LRP1B: variants seen among roughly 807,000 people sequenced by gnomAD.
The protein encoded by LRP1B is low-density lipoprotein receptor-related protein 1B.
In LRP1B, 217 loss-of-function variants were observed where a neutral mutation model predicts 556.6. The observed-to-expected ratio is 0.39, with a 90% confidence interval of 0.35 to 0.44. LRP1B has a LOEUF of 0.44. Among genes scored for constraint, LRP1B ranks in the 20% least tolerant of loss-of-function variants. LRP1B has a pLI of 1.00. For missense variants in LRP1B, 5,053 were observed against 5,620.8 expected (o/e 0.90, Z 3.23); for synonymous variants, 2,047 against 1,865.8 (o/e 1.10, Z -2.50).
chr2:141,013,555 C>A lies in LRP1B; in HGVS notation c.2380+1G>T. The A allele has an allele frequency of 6.2e-7, 1 of 1,603,226 alleles. No homozygotes were observed. The highest frequency in any genetic ancestry group is 8.5e-7 in the Non-Finnish European group (1 of 1,175,554). On this transcript the variant is annotated splice_donor_variant, in intron 14 of 90. Transcript: ENST00000389484. LOFTEE classifies it high-confidence loss of function. ...AAGCATTTTAATTTGTTTTTTAATA[C>A]CTTGTTGCTTTCGTGGATCATAAAT... is the stretch of plus-strand genomic sequence containing the variant.
chr2:140,379,159 T>C (rs1168188379), intron 67 of LRP1B, among the ~76,000 whole-genome samples: 1 of 152,198 alleles, frequency 6.6e-6, no homozygotes, highest in African/African-American at 2.4e-5. Context: ...GACCTCTTCG[T>C]GTTTTCTCTG....
intron 32 of LRP1B, among the ~76,000 whole-genome samples, chr2:140,791,536 A>T (rs1690120252): frequency 6.6e-6 from 1 of 152,184 alleles, no homozygotes; most frequent in Non-Finnish European, 1.5e-5. Context: ...ATATTAATGA[A>T]TATGATGTTA....
intron 6 of LRP1B, among the ~76,000 whole-genome samples, chr2:141,227,236 G>A (rs1204733861): frequency 6.6e-6 from 1 of 152,180 alleles, no homozygotes; most frequent in Non-Finnish European, 1.5e-5. Flanking sequence ...CATATTAAGT[G>A]TAGATAAAAA....
At chr2:141,758,430 C>G (rs1011737207) in intron 2 of LRP1B, among the ~76,000 whole-genome samples, 1 of 151,984 alleles carries the variant, frequency 6.6e-6, no homozygotes, top group Non-Finnish European at 1.5e-5. Context: ...TGAGTCCATT[C>G]TAAACGTCAT....
At chr2:140,489,905 T>G (rs1182255977) in intron 57 of LRP1B, among the ~76,000 whole-genome samples, 1 of 152,088 alleles carries the variant, frequency 6.6e-6, no homozygotes, top group South Asian at 2.1e-4. Flanking sequence ...TATAATAAAT[T>G]AAAGCTGCAA....
chr2:141,716,764 G>T (rs941421454), intron 2 of LRP1B, among the ~76,000 whole-genome samples: 1 of 152,160 alleles, frequency 6.6e-6, no homozygotes, highest in Non-Finnish European at 1.5e-5. Context: ...AAGCAATAAC[G>T]TGTTGATTCT....
At chr2:140,291,539 C>A (rs906161364) in intron 84 of LRP1B, among the ~76,000 whole-genome samples, 1 of 151,478 alleles carries the variant, frequency 6.6e-6, no homozygotes, top group African/African-American at 2.4e-5. Context: ...CAGTTCCCAC[C>A]CATGACTGAG....
At chr2:140,567,143 G>C (rs903282875) in intron 43 of LRP1B, among the ~76,000 whole-genome samples, 1 of 152,054 alleles carries the variant, frequency 6.6e-6, no homozygotes, top group Admixed American at 6.5e-5. Context: ...TTTCCCTAAA[G>C]CTCGACTAGA....
intron 2 of LRP1B, among the ~76,000 whole-genome samples, chr2:141,794,343 G>C (rs1293209825): frequency 6.6e-6 from 1 of 151,842 alleles, no homozygotes; most frequent in African/African-American, 2.4e-5. Context: ...CTCACATTTT[G>C]TAAAACCTAA....
chr2:142,062,266 G>A (rs558735451), intron 1 of LRP1B, among the ~76,000 whole-genome samples: 3 of 151,858 alleles, frequency 2.0e-5, no homozygotes, highest in South Asian at 4.1e-4. Flanking sequence ...AATCAGCCTA[G>A]CTGCTACTCA....
At chr2:141,073,421 C>T (rs564135359) in intron 7 of LRP1B, among the ~76,000 whole-genome samples, 1 of 152,098 alleles carries the variant, frequency 6.6e-6, no homozygotes, top group East Asian at 1.9e-4. Context: ...CAGTTACTTT[C>T]TCCACCTCTT....
chr2:140,862,795 G>T (rs1436723931), intron 27 of LRP1B, among the ~76,000 whole-genome samples: 1 of 152,168 alleles, frequency 6.6e-6, no homozygotes, highest in Admixed American at 6.5e-5. Context: ...AGTATACTGG[G>T]TTAGAAGTTT....
At chr2:142,058,170 C>G (rs892417768) in intron 1 of LRP1B, among the ~76,000 whole-genome samples, 17 of 152,258 alleles carry the variant, frequency 1.1e-4, no homozygotes, top group African/African-American at 3.8e-4. Flanking sequence ...ATATTTGGAA[C>G]TACCTTCTCC....
chr2:141,905,745 A>T (rs1431396736), intron 1 of LRP1B, among the ~76,000 whole-genome samples: 2 of 131,414 alleles, frequency 1.5e-5, no homozygotes, highest in South Asian at 5.4e-4. Context: ...ACAGGGAGAA[A>T]ATGGATCTGG....
At chr2:140,610,411 G>C (rs532753454) in intron 41 of LRP1B, among the ~76,000 whole-genome samples, 7 of 151,898 alleles carry the variant, frequency 4.6e-5, no homozygotes, top group South Asian at 2.1e-4. Context: ...CTGAATGCAG[G>C]GTCTGCATAT....
intron 25 of LRP1B, among the ~76,000 whole-genome samples, chr2:140,877,135 G>A (rs182086746): frequency 6.6e-6 from 1 of 151,894 alleles, no homozygotes; most frequent in African/African-American, 2.4e-5. Context: ...AAAGCCCTCT[G>A]AACTGAAGAT....
At chr2:140,539,532 C>G (rs1680055261) in intron 45 of LRP1B, among the ~76,000 whole-genome samples, 1 of 152,042 alleles carries the variant, frequency 6.6e-6, no homozygotes, top group Admixed American at 6.6e-5. Context: ...CAGAGAGAAG[C>G]TTAGTAGGGA....
chr2:140,977,394 G>A (rs1027166785), intron 18 of LRP1B, among the ~76,000 whole-genome samples: 4 of 152,012 alleles, frequency 2.6e-5, no homozygotes, highest in Admixed American at 6.6e-5. Context: ...TCCAGTCTAC[G>A]GTATGTCTTC....
intron 32 of LRP1B, among the ~76,000 whole-genome samples, chr2:140,782,405 T>C (rs1573711496): frequency 6.6e-6 from 1 of 152,214 alleles, no homozygotes; most frequent in Middle Eastern, 3.4e-3. Flanking sequence ...AAGAGGACAT[T>C]GGGACACAGA....
Sources: allele counts gnomAD v4.1 joint callset (sites outside exome capture counted in the v4.1 genomes callset), GRCh38; gene constraint gnomAD v4.1.1; transcripts MANE v1.5; gene names NCBI Gene and HGNC (gene_info 2026-07-23, HGNC 2026-07-21).